REXO2: variants seen among roughly 807,000 people sequenced by gnomAD.
REXO2 encodes the protein RNA exonuclease 2, also known as oligoribonuclease, mitochondrial.
Under a neutral mutation model 30.9 loss-of-function variants are expected in REXO2, and 17 were observed. That is an observed-to-expected ratio of 0.55 (90% confidence interval 0.38 to 0.82). The LOEUF is 0.82. REXO2 is among the 40% of genes least tolerant of loss of function. The probability of loss-of-function intolerance (pLI) is 0.00; values close to 1 mark genes in which losing one functional copy is unlikely to be tolerated. For missense variants in REXO2, 253 were observed against 293.2 expected, an observed-to-expected ratio of 0.86 and a Z score of 1.00; for synonymous variants, 105 against 99.6, an observed-to-expected ratio of 1.05 and a Z score of -0.32.
At chr11:114,444,137 T>C (rs1170384780) in intron 3 of REXO2, 4 of 655,590 alleles carry the variant, frequency 6.1e-6, no homozygotes, top group Non-Finnish European at 1.1e-5. Flanking sequence ...TCCTCTTTTT[T>C]TTCTCTCCTA....
In REXO2 at chr11:114,446,224, T is replaced by C. The variant is rs181015346; in HGVS notation, c.530+137T>C. 105 of 517,840 alleles carry C rather than the reference T, an allele frequency of 2.0e-4. No homozygotes were observed. The East Asian group carries it at 2.5e-3, about 12-fold the overall frequency. 32.1% of individuals were successfully genotyped at this position (517,840 alleles called of 1,614,324 possible). ...ATATCTTCCTCATCCCATTCTTGCT[T>C]GTATAGGACCTTAACTTACCCTGGA... On this transcript the variant is annotated intron_variant, in intron 5 of 6. Coordinates refer to ENST00000265881, the MANE Select transcript of REXO2 (RefSeq NM_015523.4).
intron 2 of REXO2, among the ~76,000 whole-genome samples, chr11:114,442,075 G>A (rs2134782972): frequency 6.6e-6 from 1 of 151,860 alleles, no homozygotes; most frequent in African/African-American, 2.4e-5. Context: ...TATGTACCCT[G>A]GAGGAAATTT....
At chr11:114,447,729 A>G in intron 5 of REXO2, 97 bp from the exon 6 acceptor site, 1 of 994,232 alleles carries the variant, frequency 1.0e-6, no homozygotes, top group Non-Finnish European at 1.5e-6. Flanking sequence ...TCATGACTCA[A>G]ATGCCATTTT....
intron 6 of REXO2, chr11:114,449,036 G>C (rs1946528271): frequency 6.6e-6 from 1 of 152,268 alleles, no homozygotes; most frequent in African/African-American, 2.4e-5. Flanking sequence ...GAATTCTCTA[G>C]AAGTGGCCCT....
At chr11:114,443,766 A>G (rs1189782908) in intron 2 of REXO2, 90 bp from the exon 3 acceptor site, 3 of 887,824 alleles carry the variant, frequency 3.4e-6, no homozygotes, top group Non-Finnish European at 5.4e-6. Flanking sequence ...TGATATGTAT[A>G]TTTAGTCCTT....
chr11:114,445,762 A>G (rs1946506608), intron 4 of REXO2: 1 of 451,458 alleles, frequency 2.2e-6, no homozygotes, highest in Non-Finnish European at 4.0e-6. Flanking sequence ...GAGGTCATTT[A>G]CAAATTTATA....
chr11:114,450,115 A>G lies in REXO2; in HGVS notation c.*140A>G. 2 of 795,880 alleles carry G rather than the reference A, an allele frequency of 2.5e-6. No homozygotes were observed. The highest frequency in any genetic ancestry group is 3.9e-6 in the Non-Finnish European group (2 of 517,446). 49.3% of individuals were successfully genotyped at this position (795,880 alleles called of 1,614,324 possible). ...ATTACTCAAGCAGACAGCACACGAA[A>G]TACTATTTTTCTCCTAATATGCTGT... On this transcript the variant is annotated 3_prime_UTR_variant, in exon 7 of 7. Coordinates refer to ENST00000265881, the MANE Select transcript of REXO2 (RefSeq NM_015523.4).
chr11:114,444,518 G>C (rs200951198), intron 3 of REXO2, 23 bp from the exon 4 acceptor site: 1 of 1,545,232 alleles, frequency 6.5e-7, no homozygotes, highest in Non-Finnish European at 8.9e-7. Flanking sequence ...TTTTGGTGGG[G>C]GGCTGGGGAT....
At chr11:114,444,384 G>C in intron 3 of REXO2, 157 bp from the exon 4 acceptor site, 2 of 658,522 alleles carry the variant, frequency 3.0e-6, no homozygotes, top group Non-Finnish European at 5.4e-6. Context: ...AAAAAAAATG[G>C]TGCAAAGATG....
intron 4 of REXO2, 22 bp from the exon 5 acceptor site, chr11:114,445,957 A>G (rs775713755): frequency 1.6e-5 from 19 of 1,183,208 alleles, no homozygotes; most frequent in African/African-American, 7.5e-5. Flanking sequence ...ATAGAGATGC[A>G]GTATGCTTCG....
chr11:114,439,651 G>A lies in REXO2; in HGVS notation c.123G>A (p.Gln41=). 6.3e-7 allele frequency: 1 copy of A among 1,583,652 alleles called. No individual in the cohort carries two copies. Among genetic ancestry groups the A allele is most frequent in the Non-Finnish European group, 8.6e-7 (1 of 1,167,730 alleles). ...TGGCGGCAGGGGAGAGCATGGCTCAGCGGATGGTCTGGGTGGACCTGGAGG... is the reference window on the plus strand; with the variant it reads ...TGGCGGCAGGGGAGAGCATGGCTCAACGGATGGTCTGGGTGGACCTGGAGG... The part of the protein sequence containing the change: ...AAMAAGESMA[Q]RMVWVDLEMT... Residue 41 remains glutamine, a synonymous_variant, in exon 1 of 7, where the codon CAG becomes CAA. Coordinates refer to ENST00000265881, the MANE Select transcript of REXO2 (RefSeq NM_015523.4).
At chr11:114,447,340 A>T (rs913060272) in intron 5 of REXO2, among the ~76,000 whole-genome samples, 36 of 152,198 alleles carry the variant, frequency 2.4e-4, no homozygotes, top group Non-Finnish European at 5.1e-4. Context: ...ACAGACACTC[A>T]GTGTTCGAAT....
chr11:114,447,459 A>G (rs1946516775), intron 5 of REXO2, among the ~76,000 whole-genome samples: 1 of 152,148 alleles, frequency 6.6e-6, no homozygotes, highest in Non-Finnish European at 1.5e-5. Flanking sequence ...AGAAGAGTAG[A>G]TATGGTGGAT....
intron 2 of REXO2, 108 bp from the exon 3 acceptor site, chr11:114,443,748 A>T: frequency 2.7e-6 from 2 of 749,598 alleles, no homozygotes; most frequent in Non-Finnish European, 4.5e-6. Flanking sequence ...CTTATCTCTT[A>T]CTTTCTCTGA....
intron 1 of REXO2, 132 bp downstream of exon 1, chr11:114,439,807 G>C: frequency 1.8e-6 from 2 of 1,087,858 alleles, no homozygotes; most frequent in Non-Finnish European, 2.5e-6. Context: ...GCCGGCCACG[G>C]GCGGTGCAGG....
intron 2 of REXO2, chr11:114,441,969 T>C: frequency 1.8e-6 from 1 of 565,416 alleles, no homozygotes; most frequent in East Asian, 2.8e-5. Context: ...TGTCTTTATT[T>C]TACCAGTCTA....
chr11:114,443,544 A>G (rs1946493795), intron 2 of REXO2, among the ~76,000 whole-genome samples: 1 of 151,924 alleles, frequency 6.6e-6, no homozygotes, highest in Admixed American at 6.6e-5. Flanking sequence ...AATCTTTTAC[A>G]AATGTAAAAA....
chr11:114,440,794 C>T (rs1234470930), intron 2 of REXO2, 55 bp downstream of exon 2: 3 of 1,299,060 alleles, frequency 2.3e-6, no homozygotes, highest in Admixed American at 3.7e-5. Flanking sequence ...GGAAATATAA[C>T]CATCATTTTT....
In REXO2 at chr11:114,445,967, G is replaced by C. The variant is rs764665235; in HGVS notation, c.422-12G>C. On this transcript the variant is annotated splice_polypyrimidine_tract_variant and intron_variant, in intron 4 of 6. Transcript: ENST00000265881. ...GAAATATAGAGATGCAGTATGCTTC[G>C]TGTCTTTCTAGGAAATTCAGTTCAT... 7.1e-7 allele frequency: 1 copy of C among 1,410,562 alleles called. No individual in the cohort carries two copies. Among genetic ancestry groups the C allele is most frequent in the African/African-American group, 1.4e-5 (1 of 71,076 alleles). 87.4% of individuals were successfully genotyped at this position (1,410,562 alleles called of 1,614,324 possible).
Sources: gnomAD v4.1 joint callset for allele counts (sites outside exome capture counted in the v4.1 genomes callset) on GRCh38, gnomAD v4.1.1 for gene constraint, MANE v1.5 for transcripts, NCBI Gene and HGNC (gene_info 2026-07-23, HGNC 2026-07-21) for gene names.